VWCE: variants seen among roughly 807,000 people sequenced by gnomAD.
The protein encoded by VWCE is von Willebrand factor C and EGF domains.
VWCE carries 68 observed loss-of-function variants against 102.9 expected under a neutral mutation model. The ratio of observed to expected loss-of-function variants is 0.66; its 90% CI spans 0.54 to 0.81. The LOEUF (loss-of-function observed/expected upper bound fraction) is 0.81. Ranked by LOEUF, VWCE falls within the 30% of genes least tolerant of loss-of-function variation. The pLI is 0.00. For missense variants in VWCE, 1,137 were observed against 1,263.6 expected, an observed-to-expected ratio of 0.90 and a Z score of 1.52; for synonymous variants, 497 against 515.4, an observed-to-expected ratio of 0.96 and a Z score of 0.48.
chr11:61,258,973 A>G lies in VWCE; in HGVS notation c.2570T>C (p.Leu857Pro). The G allele has an allele frequency of 1.9e-6, 3 of 1,595,408 alleles. No individual in the cohort carries two copies. The highest frequency in any genetic ancestry group is 2.6e-6 in the Non-Finnish European group (3 of 1,171,026). Residue 857 changes from leucine (L) to proline (P), a missense_variant, in exon 20 of 20, where the codon CTA (leucine) becomes CCA (proline). Physicochemically the swap from Leu to Pro is moderately conservative, Grantham distance 98. This residue lies in a region of VWCE where 316 missense variants were observed against 319.3 expected (regional missense o/e 0.99). Transcript: ENST00000335613. The stretch of plus-strand genomic sequence containing the variant: ...AGGAGCCCCTGGGGAAGCTAGAGGT[A>G]GAGTGGGGGCTCCTGGAGGGGTCGA... ...GPSTPPGAPT[L>P]PLASPGAPQP...
chr11:61,260,010 C>CT (rs1433288044), intron 19 of VWCE, among the ~76,000 whole-genome samples: 1 of 152,178 alleles, frequency 6.6e-6, no homozygotes, highest in African/African-American at 2.4e-5. Context: ...AATCCCAACA[C>CT]TTTGAGAAGC....
intron 4 of VWCE, among the ~76,000 whole-genome samples, chr11:61,287,192 TG>T (rs1855362717): frequency 6.6e-6 from 1 of 152,130 alleles, no homozygotes. Context: ...ACAAGGACCC[TG>T]AGCCCACACC....
chr11:61,268,807 G>A, intron 15 of VWCE, 115 bp downstream of exon 15: 1 of 1,010,164 alleles, frequency 9.9e-7, no homozygotes, highest in Non-Finnish European at 1.5e-6. Flanking sequence ...TCTGTGCAAT[G>A]GGGTTGTCCC....
In VWCE at chr11:61,291,521, C is replaced by T; in HGVS notation, c.166G>A (p.Gly56Ser). The T allele has an allele frequency of 6.6e-7, 1 of 1,510,978 alleles. No homozygotes were observed. The highest frequency in any genetic ancestry group is 8.9e-7 in the Non-Finnish European group (1 of 1,124,228). The allele number at this position is 1,510,978 out of a possible 1,614,324, so 93.6% of individuals were successfully genotyped here. Residue 56 changes from glycine (G) to serine (S), a missense_variant, in exon 2 of 20, where the codon GGC (glycine) becomes AGC (serine). By Grantham distance (56) the Gly-to-Ser change is moderately conservative. Transcript: ENST00000335613. ...CCACCACCCATAGAGGGCGCCCAGC[C>T]AGGGCAGCAGCCACTCCCAAACCCA... Reference protein sequence around the residue: ...LSGFGSGCCPGWAPSMGGGHC... With the variant: ...LSGFGSGCCPSWAPSMGGGHC...
chr11:61,275,221 C>A (rs923313055), intron 11 of VWCE, among the ~76,000 whole-genome samples: 1 of 152,196 alleles, frequency 6.6e-6, no homozygotes, highest in Non-Finnish European at 1.5e-5. Flanking sequence ...AATGATGCTA[C>A]CACCCCCTGG....
At chr11:61,290,767 TC>T (rs773463617) in intron 4 of VWCE, 31 bp downstream of exon 4, 1 of 1,163,182 alleles carries the variant, frequency 8.6e-7, no homozygotes, top group Non-Finnish European at 1.2e-6. Context: ...GCTGTCCCCC[TC>T]CCCCTCCCCC....
chr11:61,265,158 A>G lies in VWCE; in HGVS notation c.2020T>C (p.Phe674Leu). The G allele has an allele frequency of 6.4e-7, 1 of 1,567,520 alleles. No homozygotes were observed. Among genetic ancestry groups the G allele is most frequent in the East Asian group, 2.3e-5 (1 of 43,404 alleles). ...VDCPITCTYP[F>L]HPDGECCPVC... Reference sequence around the variant, plus strand: ...GGGCAGCACTCCCCGTCAGGGTGGAAAGGGTAGGTACAGGTGATGGGGCAG... The same window carrying G: ...GGGCAGCACTCCCCGTCAGGGTGGAGAGGGTAGGTACAGGTGATGGGGCAG... The change falls in exon 17 of 20, where the codon TTC (phenylalanine) becomes CTC (leucine). Residue 674 changes from phenylalanine to leucine, a missense_variant. Around this residue, in one of 5 missense-constraint regions of VWCE, gnomAD observed 29 missense variants for 62.9 expected, o/e 0.46. Transcript: ENST00000335613.
rs112455666 is a variant in VWCE at position 61,274,762 on chromosome 11, C to A, written c.1496-178G>T. On this transcript the variant is annotated intron_variant, in intron 11 of 19. Transcript: ENST00000335613. ...CCCCCTCCAAACCCCAGACACAAAA[C>A]AAGTCATGCCGACAAAGGGGTGGGT... Among the ~76,000 whole-genome samples, 7 of 152,246 alleles carry A rather than the reference C, an allele frequency of 4.6e-5. 1 individual carries two copies. The highest frequency in any genetic ancestry group is 1.7e-4 in the African/African-American group (7 of 41,548).
At position 61,259,281 on chromosome 11, in the gene VWCE, C is replaced by T; in HGVS notation, c.2262G>A (p.Gly754=). Residue 754 remains glycine, a synonymous_variant, in exon 20 of 20, where the codon GGG becomes GGA. Coordinates refer to ENST00000335613, the MANE Select transcript of VWCE (RefSeq NM_152718.2). ...DSLSPLEEKQ[G]LSPHGNVAFS... ...ATGCCACATTTCCGTGAGGGGAGAG[C>T]CCCTGCTTTTCTTCCAGAGGAGACA... 1.3e-6 allele frequency: 2 copies of T among 1,595,300 alleles called. No homozygotes were observed. The highest frequency in any genetic ancestry group is 1.7e-6 in the Non-Finnish European group (2 of 1,169,426).
At chr11:61,264,423 C>T (rs570244072) in intron 19 of VWCE, 64 bp downstream of exon 19, 59 of 1,493,962 alleles carry the variant, frequency 3.9e-5, no homozygotes, top group Middle Eastern at 3.4e-4. Context: ...TTCTATGTAC[C>T]GGGGAAGAAA....
chr11:61,267,078 C>T lies in VWCE; in HGVS notation c.1965+384G>A, dbSNP rs141634793. 2.4e-3 allele frequency among the ~76,000 whole-genome samples: 363 copies of T among 152,204 alleles called. 6 individuals are homozygous for T. Among genetic ancestry groups the T allele is most frequent in the African/African-American group, 8.2e-3 (340 of 41,540 alleles). ...TTCAGGAACGGCCTGGCCAACATGG[C>T]GAAATCCCGTCTCTACCAAAAATAC... is the stretch of plus-strand genomic sequence containing the variant. On this transcript the variant is annotated intron_variant, in intron 16 of 19. Coordinates refer to ENST00000335613, the MANE Select transcript of VWCE (RefSeq NM_152718.2).
At chr11:61,273,845 TGCTCCCCA>T (rs1196743411) in intron 12 of VWCE, 1 of 155,868 alleles carries the variant, frequency 6.4e-6, no homozygotes, top group Non-Finnish European at 1.4e-5. Flanking sequence ...GCAAGAGCCT[TGCTCCCCA>T]GCACGGTCCA....
Position 61,265,138 on chromosome 11 carries a change from G to A in VWCE, c.2040C>T (p.Cys680=). 6.3e-7 allele frequency: 1 copy of A among 1,598,656 alleles called. No homozygotes were observed. The highest frequency in any genetic ancestry group is 8.5e-7 in the Non-Finnish European group (1 of 1,172,098). Residue 680 remains cysteine, a synonymous_variant, in exon 17 of 20, where the codon TGC becomes TGT. Transcript: ENST00000335613. ...CTYPFHPDGE[C]CPVCRDCNYE... ...CCCACTCACCTCGGCACACGGGGCAGCACTCCCCGTCAGGGTGGAAAGGGT... is the reference window on the plus strand; with the variant it reads ...CCCACTCACCTCGGCACACGGGGCAACACTCCCCGTCAGGGTGGAAAGGGT...
intron 4 of VWCE, among the ~76,000 whole-genome samples, chr11:61,287,511 C>G (rs1855371265): frequency 6.6e-6 from 1 of 151,282 alleles, no homozygotes; most frequent in Non-Finnish European, 1.5e-5. Context: ...GTGCAGCAGA[C>G]CCAGAGGGGT....
chr11:61,288,653 G>A (rs546150648), intron 4 of VWCE, among the ~76,000 whole-genome samples: 29 of 152,104 alleles, frequency 1.9e-4, no homozygotes, highest in Non-Finnish European at 3.5e-4. Flanking sequence ...TGAGAAATAC[G>A]TGCAGAAAAT....
intron 15 of VWCE, 144 bp from the exon 16 acceptor site, chr11:61,267,688 G>T: frequency 1.5e-6 from 1 of 683,184 alleles, no homozygotes. Context: ...GTTAGGGAAG[G>T]GACAAAACGC....
intron 1 of VWCE, among the ~76,000 whole-genome samples, chr11:61,293,262 A>T (rs1855570200): frequency 6.7e-6 from 1 of 149,014 alleles, no homozygotes; most frequent in Non-Finnish European, 1.5e-5. Flanking sequence ...AAAAAAAAAA[A>T]AAAAATTAGC....
chr11:61,290,960 C>A (rs554097164), intron 3 of VWCE, 33 bp from the exon 4 acceptor site: 3 of 1,596,800 alleles, frequency 1.9e-6, no homozygotes, highest in East Asian at 4.5e-5. Context: ...GAGCATGCAC[C>A]CCGTGGCAGT....
In VWCE at chr11:61,282,811, A is replaced by G; in HGVS notation, c.636T>C (p.His212=). 6.2e-7 allele frequency: 1 copy of G among 1,614,188 alleles called. No individual in the cohort carries two copies. Among genetic ancestry groups the G allele is most frequent in the Non-Finnish European group, 8.5e-7 (1 of 1,180,020 alleles). The part of the protein sequence containing the change: ...KCSCRTGFHL[H]GNRHSCVDVN... ...TACCTACACAGGAGTGCCGGTTGCCATGAAGGTGGAAGCCAGTTCGACAGG... is the reference window on the plus strand; with the variant it reads ...TACCTACACAGGAGTGCCGGTTGCCGTGAAGGTGGAAGCCAGTTCGACAGG... Residue 212 remains histidine, a synonymous_variant, in exon 6 of 20, where the codon CAT becomes CAC. Coordinates refer to ENST00000335613, the MANE Select transcript of VWCE (RefSeq NM_152718.2).
Sources: gnomAD v4.1 joint callset for allele counts (sites outside exome capture counted in the v4.1 genomes callset) on GRCh38, gnomAD v4.1.1 for gene constraint, gnomAD v4.1.1 regional missense constraint, MANE v1.5 for transcripts, NCBI Gene and HGNC (gene_info 2026-07-23, HGNC 2026-07-21) for gene names.